Variants in ZNF652 observed in about 807,000 individuals in gnomAD.
The protein encoded by ZNF652 is zinc finger protein 652.
In ZNF652, 16 loss-of-function variants were observed where a neutral mutation model predicts 45.2. The observed-to-expected ratio is 0.35, with a 90% CI of 0.24 to 0.54. The LOEUF (loss-of-function observed/expected upper bound fraction) is 0.54. Ranked by LOEUF, ZNF652 falls within the 20% of genes least tolerant of loss-of-function variation. The pLI, the probability that ZNF652 is intolerant of heterozygous loss-of-function variation, is 0.91. For missense variants in ZNF652, 614 were observed against 765.6 expected, an observed-to-expected ratio of 0.80 and a Z score of 2.34; for synonymous variants, 250 against 260.6, an observed-to-expected ratio of 0.96 and a Z score of 0.39.
At chr17:49,304,063 T>TTTTC (rs2069593317) in intron 5 of ZNF652, among the ~76,000 whole-genome samples, 2 of 135,948 alleles carry the variant, frequency 1.5e-5, no homozygotes, top group African/African-American at 5.4e-5. Flanking sequence ...TAATTTTTTT[T>TTTTC]TTTTTTTTTT....
In ZNF652 at chr17:49,317,708, A is replaced by G; in HGVS notation, c.18T>C (p.Ser6=). 6.3e-7 allele frequency: 1 copy of G among 1,592,704 alleles called. No individual in the cohort carries two copies. The highest frequency in any genetic ancestry group is 8.6e-7 in the Non-Finnish European group (1 of 1,164,070). The change falls in exon 2 of 6, where the codon AGT becomes AGC. Residue 6 remains serine, a synonymous_variant. Coordinates refer to ENST00000430262, the MANE Select transcript of ZNF652 (RefSeq NM_001145365.3). ...AGTTTTCAACCAGCTCCTGACAAGA[A>G]CTGGCTGTGTGGCTCATTGGTAAGT... is the stretch of plus-strand genomic sequence containing the variant. MSHTA[S]SCQELVENCA...
intron 1 of ZNF652, among the ~76,000 whole-genome samples, chr17:49,340,529 A>ATG (rs2070133481): frequency 6.7e-6 from 1 of 148,556 alleles, no homozygotes; most frequent in African/African-American, 2.5e-5. Flanking sequence ...CAGCCTGGGC[A>ATG]ACAAAGCGAG....
chr17:49,289,555 G>T lies in ZNF652; in HGVS notation c.*8858C>A, dbSNP rs1044753378. 2.0e-5 allele frequency: 3 copies of T among 152,240 alleles called. No homozygotes were observed. The highest frequency in any genetic ancestry group is 2.0e-4 in the Admixed American group (3 of 15,272). The allele number at this position is 152,240 out of a possible 1,614,324, so 9.4% of individuals were successfully genotyped here. A position where few individuals can be genotyped will look rare whatever the true frequency, so the allele number is the denominator to read the frequency against. ...ATGACTCAGGGAAGCCGGGCAGCAT[G>T]GGCTCCTTTGGAGATTCAGGAGCGG... On this transcript the variant is annotated 3_prime_UTR_variant, in exon 6 of 6. Transcript: ENST00000430262.
At chr17:49,309,507 C>A (rs1338835368) in intron 5 of ZNF652, among the ~76,000 whole-genome samples, 4 of 144,792 alleles carry the variant, frequency 2.8e-5, no homozygotes, top group African/African-American at 5.1e-5. Flanking sequence ...GACTCCATCT[C>A]GGAAAAAAAA....
At chr17:49,305,409 T>A (rs2069615566) in intron 5 of ZNF652, among the ~76,000 whole-genome samples, 1 of 152,110 alleles carries the variant, frequency 6.6e-6, no homozygotes, top group Non-Finnish European at 1.5e-5. Flanking sequence ...ATCACACCAC[T>A]GCACTCCAGC....
chr17:49,328,556 T>TTCTTGCTCTGA (rs2069991238), intron 1 of ZNF652, among the ~76,000 whole-genome samples: 1 of 152,148 alleles, frequency 6.6e-6, no homozygotes, highest in South Asian at 2.1e-4. Flanking sequence ...AATGAGTTAT[T>TTCTTGCTCTGA]TCTTGCTCTG....
intron 1 of ZNF652, among the ~76,000 whole-genome samples, chr17:49,340,110 CTA>C (rs766865634): frequency 1.5e-4 from 23 of 152,170 alleles, no homozygotes; most frequent in Non-Finnish European, 2.8e-4. Flanking sequence ...TTACAAAACT[CTA>C]TTACAGAAAT....
intron 1 of ZNF652, among the ~76,000 whole-genome samples, chr17:49,334,880 C>A (rs1343795): frequency 0.78 from 118,409 of 152,062 alleles, 46,287 homozygotes; most frequent in African/African-American, 0.84. Flanking sequence ...AACAGGCTAC[C>A]TAGTTGTATG....
chr17:49,317,577 A>G lies in ZNF652; in HGVS notation c.149T>C (p.Val50Ala), dbSNP rs1567923085. 1 of 1,613,988 alleles carries G rather than the reference A, an allele frequency of 6.2e-7. No homozygotes were observed. Among genetic ancestry groups the G allele is most frequent in the Non-Finnish European group, 8.5e-7 (1 of 1,179,994 alleles). Residue 50 changes from valine to alanine, a missense_variant, in exon 2 of 6, where the codon GTG becomes GCG. Val to Ala is a moderately conservative substitution (Grantham distance 64). Around this residue, in one of 5 missense-constraint regions of ZNF652, gnomAD observed 133 missense variants for 132.2 expected, o/e 1.01. Coordinates refer to ENST00000430262, the MANE Select transcript of ZNF652 (RefSeq NM_001145365.3). ...AGGACTTCCTGATTCCCTTTTGTAC[A>G]CTTTGGTGGACAGGTCAAGTTCTTG... The part of the protein sequence containing the change: ...ANQELDLSTK[V>A]YKRESGSPYS...
intron 1 of ZNF652, among the ~76,000 whole-genome samples, chr17:49,336,696 G>C (rs1014225615): frequency 6.7e-6 from 1 of 149,938 alleles, no homozygotes; most frequent in Non-Finnish European, 1.5e-5. Flanking sequence ...ACGCAATCTC[G>C]GCTTACTGCA....
rs1339065885 is a variant in ZNF652 at position 49,294,887 on chromosome 17, G to T, written c.*3526C>A. 2 of 152,076 alleles carry T rather than the reference G, an allele frequency of 1.3e-5. No homozygotes were observed. The highest frequency in any genetic ancestry group is 4.8e-5 in the African/African-American group (2 of 41,388). The allele number at this position is 152,076 out of a possible 1,614,324, so 9.4% of individuals were successfully genotyped here. A position where few individuals can be genotyped will look rare whatever the true frequency, so the allele number is the denominator to read the frequency against. On this transcript the variant is annotated 3_prime_UTR_variant, in exon 6 of 6. Coordinates refer to ENST00000430262, the MANE Select transcript of ZNF652 (RefSeq NM_001145365.3). The stretch of plus-strand genomic sequence containing the variant: ...TCCATAATTCTTTTTTTCATAAACA[G>T]ATAACAAGTAGGTAAAAAGTTTTGA...
chr17:49,349,831 T>C (rs187981507), intron 1 of ZNF652, among the ~76,000 whole-genome samples: 12 of 152,308 alleles, frequency 7.9e-5, no homozygotes, highest in African/African-American at 2.6e-4. Flanking sequence ...AAAATGGCCT[T>C]GGGCAGAACT....
At chr17:49,361,701 C>T (rs957643729) in intron 1 of ZNF652, among the ~76,000 whole-genome samples, 3 of 151,968 alleles carry the variant, frequency 2.0e-5, no homozygotes, top group African/African-American at 7.2e-5. Flanking sequence ...GGGGCGCCCC[C>T]AGCCCAAGCT....
intron 1 of ZNF652, among the ~76,000 whole-genome samples, chr17:49,327,759 ATATATATATATATATATATATTT>A (rs1181729884): frequency 0.15 from 1,419 of 9,608 alleles, 49 homozygotes; most frequent in East Asian, 0.2. Context: ...ATATATATAT[ATATATATATATATATATATATTT>A]TTTTTTTTTT....
In ZNF652 at chr17:49,296,331, A is replaced by G. The variant is rs1346618329; in HGVS notation, c.*2082T>C. ...CATTATATAAGACAGGCAAAATCAG[A>G]AGGAGAAAATTTAGAAACACTAAAC... is the stretch of plus-strand genomic sequence containing the variant. On this transcript the variant is annotated 3_prime_UTR_variant, in exon 6 of 6. Transcript: ENST00000430262. The G allele has an allele frequency of 1.3e-5, 2 of 152,580 alleles. No homozygotes were observed. The highest frequency in any genetic ancestry group is 2.9e-5 in the Non-Finnish European group (2 of 68,016). 9.5% of individuals were successfully genotyped at this position (152,580 alleles called of 1,614,324 possible).
chr17:49,357,545 A>C (rs1431804678), intron 1 of ZNF652, among the ~76,000 whole-genome samples: 1 of 152,220 alleles, frequency 6.6e-6, no homozygotes, highest in Non-Finnish European at 1.5e-5. Flanking sequence ...ATTAGATAAA[A>C]TGTTCATAAG....
intron 1 of ZNF652, among the ~76,000 whole-genome samples, chr17:49,330,109 T>C (rs1236561717): frequency 6.6e-6 from 1 of 152,172 alleles, no homozygotes; most frequent in Non-Finnish European, 1.5e-5. Flanking sequence ...AGGTAAGTTT[T>C]GTGTGTACTG....
rs1598280245 is a variant in ZNF652, at chr17:49,299,042, C to T, written c.1310-118G>A. The T allele has an allele frequency of 4.9e-5, 56 of 1,148,742 alleles. No homozygotes were observed. In the East Asian group the frequency reaches 1.4e-3, roughly 28 times the overall value. 71.2% of individuals were successfully genotyped at this position (1,148,742 alleles called of 1,614,324 possible). On this transcript the variant is annotated intron_variant, in intron 5 of 5. Transcript: ENST00000430262. ...TGTTGATCAGGCTGGTCTCGAACTC[C>T]TGGCCTCAAGTGATCCTCCCATCTT...
chr17:49,319,538 C>G (rs1380643050), intron 1 of ZNF652, among the ~76,000 whole-genome samples: 1 of 144,612 alleles, frequency 6.9e-6, no homozygotes, highest in Non-Finnish European at 1.5e-5. Flanking sequence ...GAGACGGAGG[C>G]AGGAGAATCG....
Sources: allele counts gnomAD v4.1 joint callset (sites outside exome capture counted in the v4.1 genomes callset), GRCh38; gene constraint gnomAD v4.1.1; regional missense constraint gnomAD v4.1.1; transcripts MANE v1.5; gene names NCBI Gene and HGNC (gene_info 2026-07-23, HGNC 2026-07-21).